The following SLC14A2 variants were observed in gnomAD, a reference collection of about 807,000 sequenced individuals.
SLC14A2 encodes urea transporter 2.
Under a neutral mutation model 104.6 loss-of-function variants are expected in SLC14A2, and 91 were observed. The ratio of observed to expected loss-of-function variants is 0.87; its 90% CI spans 0.73 to 1.04. SLC14A2 has a LOEUF of 1.04. Ranked by LOEUF, SLC14A2 falls within the 50% of genes least tolerant of loss-of-function variation. The pLI, the probability that SLC14A2 is intolerant of heterozygous loss-of-function variation, is 0.00. For missense variants in SLC14A2, 1,189 were observed against 1,156.0 expected, an observed-to-expected ratio of 1.03 and a Z score of -0.41; for synonymous variants, 476 against 466.4, an observed-to-expected ratio of 1.02 and a Z score of -0.27.
At chr18:45,554,601 G>A (rs756583698) in intron 2 of SLC14A2, among the ~76,000 whole-genome samples, 9 of 152,014 alleles carry the variant, frequency 5.9e-5, no homozygotes, top group Non-Finnish European at 1.2e-4. Flanking sequence ...AAACAGCTCC[G>A]TGCTGGCTTT....
rs185542094 is a variant in SLC14A2, at chr18:45,466,229, G to A, written c.-124-17004G>A. ...TATTACCTGGACATCCACTTTGTGTGAGACTGCTAGGATATGGTTGACTAT... is the reference window on the plus strand; with the variant it reads ...TATTACCTGGACATCCACTTTGTGTAAGACTGCTAGGATATGGTTGACTAT... On this transcript the variant is annotated intron_variant, in intron 1 of 20. Coordinates refer to the SLC14A2 transcript ENST00000586448. Among the ~76,000 whole-genome samples, 32 of 152,176 alleles carry A rather than the reference G, an allele frequency of 2.1e-4. No individual in the cohort carries two copies. In the East Asian group the frequency reaches 6.2e-3, roughly 29 times the overall value.
At chr18:45,354,603 C>T (rs2085533972) in intron 1 of SLC14A2, among the ~76,000 whole-genome samples, 1 of 152,200 alleles carries the variant, frequency 6.6e-6, no homozygotes, top group South Asian at 2.1e-4. Context: ...GGGAGCTATA[C>T]CAGAGCTGGT....
intron 1 of SLC14A2, among the ~76,000 whole-genome samples, chr18:45,426,575 T>C (rs1383001414): frequency 6.7e-6 from 1 of 149,954 alleles, no homozygotes; most frequent in Non-Finnish European, 1.5e-5. Context: ...TATACACACA[T>C]ATATATAGTA....
chr18:45,637,120 A>C lies in SLC14A2; in HGVS notation c.781A>C (p.Thr261Pro), dbSNP rs770030339. The C allele has an allele frequency of 1.7e-5, 28 of 1,614,034 alleles. No homozygotes were observed. The highest frequency in any genetic ancestry group is 2.3e-5 in the Non-Finnish European group (27 of 1,180,018). ...TGHYNLFFPTTLVEPVSSVPN... is the reference protein window; with the variant it reads ...TGHYNLFFPTPLVEPVSSVPN... ...CCACTACAACCTCTTCTTCCCCACA[A>C]CACTGGTAGAGCCTGTGTCTTCAGT... Residue 261 changes from threonine (T) to proline (P), a missense_variant, in exon 6 of 20, where the codon ACA (threonine) becomes CCA (proline). Thr to Pro is a conservative substitution (Grantham distance 38, BLOSUM62 -1). Coordinates refer to ENST00000255226, the MANE Select transcript of SLC14A2 (RefSeq NM_007163.4).
intron 2 of SLC14A2, among the ~76,000 whole-genome samples, chr18:45,562,929 TTTAA>T (rs1291188877): frequency 2.6e-5 from 4 of 152,206 alleles, no homozygotes; most frequent in African/African-American, 9.7e-5. Flanking sequence ...CTTTGGCAGG[TTTAA>T]TTGAGTCGCC....
intron 1 of SLC14A2, among the ~76,000 whole-genome samples, chr18:45,307,648 C>T (rs2144206887): frequency 6.6e-6 from 1 of 152,192 alleles, no homozygotes; most frequent in African/African-American, 2.4e-5. Flanking sequence ...CCAGGCCTCT[C>T]CCTTCATACT....
intron 1 of SLC14A2, among the ~76,000 whole-genome samples, chr18:45,340,784 G>A (rs551232077): frequency 1.3e-5 from 2 of 152,178 alleles, no homozygotes; most frequent in East Asian, 3.9e-4. Flanking sequence ...TACTGGTGTG[G>A]AAGAAACCTT....
chr18:45,327,476 A>G (rs1319653596), intron 1 of SLC14A2, among the ~76,000 whole-genome samples: 1 of 152,234 alleles, frequency 6.6e-6, no homozygotes, highest in East Asian at 1.9e-4. Flanking sequence ...CTTTTTCATC[A>G]TCCCAAACAG....
intron 18 of SLC14A2, among the ~76,000 whole-genome samples, chr18:45,674,787 G>A (rs937016362): frequency 3.9e-5 from 6 of 152,156 alleles, no homozygotes; most frequent in African/African-American, 1.2e-4. Context: ...CAAGACTAAG[G>A]TGAGACAAGG....
intron 2 of SLC14A2, among the ~76,000 whole-genome samples, chr18:45,514,152 C>T (rs532274369): frequency 1.3e-5 from 2 of 152,240 alleles, no homozygotes; most frequent in East Asian, 3.9e-4. Context: ...ATGCCTGAGA[C>T]TGGGTAATTT....
At chr18:45,392,189 C>G (rs9807288) in intron 1 of SLC14A2, among the ~76,000 whole-genome samples, 11,222 of 152,232 alleles carry the variant, frequency 0.074, 1,375 homozygotes, top group African/African-American at 0.26. Context: ...GACACTCAAA[C>G]TACCCAAGGC....
intron 1 of SLC14A2, among the ~76,000 whole-genome samples, chr18:45,294,673 G>A (rs994882159): frequency 1.3e-5 from 2 of 152,078 alleles, no homozygotes; most frequent in Non-Finnish European, 2.9e-5. Flanking sequence ...GATTTTCCAC[G>A]ATCAAATATA....
At chr18:45,291,764 A>G (rs1568138021) in intron 1 of SLC14A2, among the ~76,000 whole-genome samples, 1 of 151,048 alleles carries the variant, frequency 6.6e-6, no homozygotes, top group Admixed American at 6.6e-5. Flanking sequence ...TCAAGCCTAC[A>G]TAGGAGTCAC....
At chr18:45,178,533 G>A in the SLC14A2 span, among the ~76,000 whole-genome samples, 1 of 152,248 alleles carries the variant, frequency 6.6e-6, no homozygotes, top group East Asian at 1.9e-4. Context: ...ATACCTCTGA[G>A]TAGAAAAAAT....
chr18:45,628,619 G>A (rs944547098), intron 4 of SLC14A2, among the ~76,000 whole-genome samples: 4 of 152,080 alleles, frequency 2.6e-5, no homozygotes, highest in Admixed American at 2.6e-4. Flanking sequence ...CTATCTTAGT[G>A]TTTTTCAATT....
chr18:45,582,001 A>G (rs1224273263), intron 2 of SLC14A2, among the ~76,000 whole-genome samples: 1 of 152,244 alleles, frequency 6.6e-6, no homozygotes, highest in East Asian at 1.9e-4. Flanking sequence ...TTCAGCTCAC[A>G]GCTCTAGAGG....
intron 10 of SLC14A2, among the ~76,000 whole-genome samples, chr18:45,648,853 T>G (rs564643825): frequency 6.6e-6 from 1 of 152,358 alleles, no homozygotes; most frequent in South Asian, 2.1e-4. Context: ...TCTTTCTTTC[T>G]TCCCTTTGTT....
intron 1 of SLC14A2, among the ~76,000 whole-genome samples, chr18:45,284,355 A>G (rs2084792421): frequency 6.6e-6 from 1 of 152,092 alleles, no homozygotes; most frequent in Non-Finnish European, 1.5e-5. Flanking sequence ...AATGGGAGGC[A>G]CTGTTGGGAG....
intron 2 of SLC14A2, among the ~76,000 whole-genome samples, chr18:45,567,039 G>A (rs1462712133): frequency 6.7e-6 from 1 of 150,054 alleles, no homozygotes; most frequent in Non-Finnish European, 1.5e-5. Context: ...TTCTATAGCT[G>A]AGGACATGTG....
Sources: gnomAD v4.1 joint callset for allele counts (sites outside exome capture counted in the v4.1 genomes callset) on GRCh38, gnomAD v4.1.1 for gene constraint, MANE v1.5 for transcripts, NCBI Gene and HGNC (gene_info 2026-07-23, HGNC 2026-07-21) for gene names.